Variants in NDUFS4 observed in about 807,000 individuals in gnomAD.
The protein encoded by NDUFS4 is NADH:ubiquinone oxidoreductase subunit S4, also known as NADH dehydrogenase [ubiquinone] iron-sulfur protein 4, mitochondrial.
A neutral mutation model predicts 24.3 loss-of-function variants in NDUFS4; 28 were observed. The observed-to-expected ratio is 1.15, with a 90% CI of 0.85 to 1.58. NDUFS4 has a LOEUF of 1.58. Ranked by LOEUF, NDUFS4 falls within the 40% of genes most tolerant of loss-of-function variation. The pLI is 0.00. For missense variants in NDUFS4, 223 were observed against 207.9 expected (o/e 1.07, Z -0.45); for synonymous variants, 93 against 69.7 (o/e 1.34, Z -1.67).
At chr5:53,675,256 G>A (rs939072037) in intron 4 of NDUFS4, among the ~76,000 whole-genome samples, 2 of 136,004 alleles carry the variant, frequency 1.5e-5, no homozygotes, top group African/African-American at 2.7e-5. Context: ...TCTGCCTCCC[G>A]GGTTCATGCC....
chr5:53,584,083 T>A (rs1046293155), intron 1 of NDUFS4, among the ~76,000 whole-genome samples: 1 of 152,216 alleles, frequency 6.6e-6, no homozygotes, highest in East Asian at 1.9e-4. Context: ...CACTCCCCAA[T>A]GCACAGTTAT....
chr5:53,560,843 G>A, intron 1 of NDUFS4, 83 bp downstream of exon 1: 1 of 1,602,278 alleles, frequency 6.2e-7, no homozygotes. Context: ...TTCCGGAGGA[G>A]GCCTCGGGGA....
In NDUFS4 at chr5:53,603,512, A is replaced by G. The variant is rs751196164; in HGVS notation, c.159A>G (p.Ile53Met). The G allele has an allele frequency of 4.3e-6, 7 of 1,613,840 alleles. No homozygotes were observed. The East Asian group carries it at 1.6e-4, about 36-fold the overall frequency. ...AQDQTQDTQL[I>M]TVDEKLDITT... is the part of the protein sequence containing the mutation. ...ACCAGACTCAAGACACACAACTCAT[A>G]ACAGTTGATGAAAAATTGGTAAGGA... Residue 53 changes from isoleucine (I) to methionine (M), a missense_variant, in exon 2 of 5, where the codon ATA (isoleucine) becomes ATG (methionine). Ile to Met is a conservative substitution (Grantham distance 10). Transcript: ENST00000296684.
intron 2 of NDUFS4, among the ~76,000 whole-genome samples, chr5:53,619,854 A>G (rs1010190921): frequency 1.3e-5 from 2 of 152,170 alleles, no homozygotes; most frequent in Admixed American, 1.3e-4. Context: ...GCTGTACCAT[A>G]ATACCTTAGC....
intron 2 of NDUFS4, among the ~76,000 whole-genome samples, chr5:53,622,911 A>G (rs1433067185): frequency 6.6e-6 from 1 of 151,420 alleles, no homozygotes; most frequent in East Asian, 1.9e-4. Flanking sequence ...GTTCCTCATA[A>G]CCTCTATTAT....
rs1312205564 is a variant in NDUFS4 at position 53,598,890 on chromosome 5, A to G, written c.99-4562A>G. Among the ~76,000 whole-genome samples, 6 of 152,206 alleles carry G rather than the reference A, an allele frequency of 3.9e-5. 1 individual carries two copies. The South Asian group carries it at 8.3e-4, about 21-fold the overall frequency. ...CCAGTAATGGTAATTAATAATCACAATCACAACCCTCAGAGTTTATCCTTT... is the reference window on the plus strand; with the variant it reads ...CCAGTAATGGTAATTAATAATCACAGTCACAACCCTCAGAGTTTATCCTTT... On this transcript the variant is annotated intron_variant, in intron 1 of 4. Transcript: ENST00000296684.
chr5:53,594,501 G>T (rs1229046262), intron 1 of NDUFS4, among the ~76,000 whole-genome samples: 2 of 151,850 alleles, frequency 1.3e-5, no homozygotes, highest in East Asian at 3.9e-4. Flanking sequence ...CTTTTAATTG[G>T]TATATTTAGA....
intron 1 of NDUFS4, among the ~76,000 whole-genome samples, chr5:53,595,986 T>C (rs1750121313): frequency 6.6e-6 from 1 of 152,240 alleles, no homozygotes; most frequent in African/African-American, 2.4e-5. Flanking sequence ...TAGAAATTAC[T>C]GCAAAAACTT....
chr5:53,660,171 C>T (rs1027959468), intron 4 of NDUFS4, among the ~76,000 whole-genome samples: 1 of 128,868 alleles, frequency 7.8e-6, no homozygotes, highest in Non-Finnish European at 1.6e-5. Flanking sequence ...CAACAGGTCC[C>T]GGAGTGTGAT....
At chr5:53,652,809 T>TA (rs1752055272) in intron 3 of NDUFS4, among the ~76,000 whole-genome samples, 2 of 152,212 alleles carry the variant, frequency 1.3e-5, no homozygotes, top group African/African-American at 4.8e-5. Flanking sequence ...GGTGCAAAAT[T>TA]ATCCTTTGGG....
intron 3 of NDUFS4, among the ~76,000 whole-genome samples, chr5:53,653,607 A>T (rs1219622948): frequency 1.3e-5 from 2 of 152,102 alleles, no homozygotes; most frequent in Non-Finnish European, 2.9e-5. Context: ...TAAGCGAGGA[A>T]TGTTACCAGT....
At position 53,663,456 on chromosome 5, in the gene NDUFS4, G is replaced by A. The variant is rs970667369; in HGVS notation, c.424+4832G>A. 1.3e-4 allele frequency among the ~76,000 whole-genome samples: 20 copies of A among 152,224 alleles called. No homozygotes were observed. In the East Asian group the frequency reaches 1.5e-3, roughly 12 times the overall value. The stretch of plus-strand genomic sequence containing the variant: ...TGTTAAAGTCTCCCATTGTTATTGC[G>A]TGGGAGTCTTAAGTCTCTTTGTAGG... On this transcript the variant is annotated intron_variant, in intron 4 of 4. Coordinates refer to ENST00000296684, the MANE Select transcript of NDUFS4 (RefSeq NM_002495.4).
rs116284039 is a variant in NDUFS4, at chr5:53,647,756, T to G, written c.350+1351T>G. On this transcript the variant is annotated intron_variant, in intron 3 of 4. Transcript: ENST00000296684. Reference sequence around the variant, plus strand: ...AGTTGAAGGTAGTTATAAACTTAAATTAGAAAATGTAGACTGTCTTGTTCT... The same window carrying G: ...AGTTGAAGGTAGTTATAAACTTAAAGTAGAAAATGTAGACTGTCTTGTTCT... Among the ~76,000 whole-genome samples, 707 of 152,338 alleles carry G rather than the reference T, an allele frequency of 4.6e-3. 5 individuals carry two copies. The highest frequency in any genetic ancestry group is 0.016 in the African/African-American group (681 of 41,580).
chr5:53,591,561 G>T (rs906180619), intron 1 of NDUFS4, among the ~76,000 whole-genome samples: 2 of 151,388 alleles, frequency 1.3e-5, no homozygotes, highest in African/African-American at 2.4e-5. Flanking sequence ...TTTTTGTGTG[G>T]ACATATGATT....
chr5:53,610,718 T>C (rs1750668318), intron 2 of NDUFS4, among the ~76,000 whole-genome samples: 1 of 152,154 alleles, frequency 6.6e-6, no homozygotes, highest in African/African-American at 2.4e-5. Flanking sequence ...AGTCTTCTCT[T>C]TTCTGGGTTA....
chr5:53,643,795 C>T (rs1476956865), intron 2 of NDUFS4, among the ~76,000 whole-genome samples: 1 of 152,064 alleles, frequency 6.6e-6, no homozygotes, highest in Non-Finnish European at 1.5e-5. Flanking sequence ...TTGGCAGCAG[C>T]TCAATTGGGC....
At chr5:53,660,481 G>C (rs1346978915) in intron 4 of NDUFS4, among the ~76,000 whole-genome samples, 2 of 152,108 alleles carry the variant, frequency 1.3e-5, no homozygotes, top group African/African-American at 2.4e-5. Flanking sequence ...TGTCTTTACA[G>C]CAGCATGATT....
At chr5:53,621,947 G>A (rs149154584) in intron 2 of NDUFS4, among the ~76,000 whole-genome samples, 19,394 of 151,732 alleles carry the variant, frequency 0.13, 1,447 homozygotes, top group Middle Eastern at 0.17. Flanking sequence ...TGATCTGCCC[G>A]TCTCGGCCTC....
chr5:53,649,118 T>C (rs372135), intron 3 of NDUFS4, among the ~76,000 whole-genome samples: 119,227 of 152,144 alleles, frequency 0.78, 46,851 homozygotes, highest in African/African-American at 0.83. Flanking sequence ...CTTGTGTTTG[T>C]TTTCATAATA....
Sources: gnomAD v4.1 joint callset for allele counts (sites outside exome capture counted in the v4.1 genomes callset) on GRCh38, gnomAD v4.1.1 for gene constraint, MANE v1.5 for transcripts, NCBI Gene and HGNC (gene_info 2026-07-23, HGNC 2026-07-21) for gene names.